The following ANKRD11 variants were observed in gnomAD, a reference collection of about 807,000 sequenced individuals.
The protein encoded by ANKRD11 is ankyrin repeat domain 11.
Under a neutral mutation model 195.7 loss-of-function variants are expected in ANKRD11, and 17 were observed. The observed-to-expected ratio is 0.09, with a 90% confidence interval of 0.06 to 0.13. ANKRD11 has a LOEUF of 0.13. ANKRD11 is among the 10% of genes least tolerant of loss of function. The pLI, the probability that ANKRD11 is intolerant of heterozygous loss-of-function variation, is 1.00. For synonymous variants in ANKRD11, 1,953 were observed against 1,528.1 expected, an observed-to-expected ratio of 1.28 and a Z score of -6.49; for missense variants, 3,735 against 3,566.1, an observed-to-expected ratio of 1.05 and a Z score of -1.21.
chr16:89,467,766 A>G (rs977443069), intron 1 of ANKRD11, among the ~76,000 whole-genome samples: 9 of 152,152 alleles, frequency 5.9e-5, no homozygotes, highest in African/African-American at 1.7e-4. Context: ...TAAAAATCAG[A>G]TAAGACGACT....
At chr16:89,447,609 T>C (rs2965945) in intron 1 of ANKRD11, among the ~76,000 whole-genome samples, 79,679 of 151,782 alleles carry the variant, frequency 0.52, 21,094 homozygotes, top group Middle Eastern at 0.67. Context: ...ACCCTAAGTG[T>C]CCACATTCCA....
At chr16:89,430,455 C>A (rs2042928542) in intron 1 of ANKRD11, among the ~76,000 whole-genome samples, 1 of 150,572 alleles carries the variant, frequency 6.6e-6, no homozygotes, top group African/African-American at 2.5e-5. Flanking sequence ...CACGCTCAGT[C>A]GTTCTAGTAC....
In ANKRD11 at chr16:89,282,364, T is replaced by C. The variant is rs199909893; in HGVS notation, c.4178A>G (p.Glu1393Gly). ...AGCATCCGCCTCCAGGAAGTCCTTTTCGTACTGGCCGGAGTCCTTCCTGCT... is the reference window on the plus strand; with the variant it reads ...AGCATCCGCCTCCAGGAAGTCCTTTCCGTACTGGCCGGAGTCCTTCCTGCT... ...GGSRKDSGQY[E>G]KDFLEADAYG... The change falls in exon 9 of 13, where the codon GAA (glutamate) becomes GGA (glycine). Residue 1393 changes from glutamate to glycine, a missense_variant. By Grantham distance (98) the Glu-to-Gly change is moderately conservative (BLOSUM62 -2). Transcript: ENST00000301030. 5 of 1,614,228 alleles carry C rather than the reference T, an allele frequency of 3.1e-6. No individual in the cohort carries two copies. The highest frequency in any genetic ancestry group is 4.2e-6 in the Non-Finnish European group (5 of 1,180,042).
At chr16:89,366,059 G>A (rs924981135) in intron 2 of ANKRD11, among the ~76,000 whole-genome samples, 52 of 151,062 alleles carry the variant, frequency 3.4e-4, no homozygotes, top group African/African-American at 1.3e-3. Context: ...GAACCTGGAA[G>A]GTGGAGGTTG....
chr16:89,324,498 G>A (rs2037576561), intron 2 of ANKRD11: 1 of 456,300 alleles, frequency 2.2e-6, no homozygotes, highest in African/African-American at 2.0e-5. Context: ...CTGTTCCTGG[G>A]AGCATCTTGA....
At chr16:89,424,130 C>T (rs1567785154) in intron 1 of ANKRD11, among the ~76,000 whole-genome samples, 2 of 152,242 alleles carry the variant, frequency 1.3e-5, no homozygotes, top group East Asian at 1.9e-4. Flanking sequence ...TACCAGGCAC[C>T]TGATCTTGCA....
Position 89,281,132 on chromosome 16 carries a change from T to C in ANKRD11, c.5410A>G (p.Ser1804Gly), listed in dbSNP as rs781188924. Residue 1804 changes from serine (S) to glycine (G), a missense_variant, in exon 9 of 13, where the codon AGC (serine) becomes GGC (glycine). Ser to Gly is a moderately conservative substitution (Grantham distance 56). Coordinates refer to ENST00000301030, the MANE Select transcript of ANKRD11 (RefSeq NM_013275.6). The surrounding 1 kb of genome is among the most constrained non-coding windows in gnomAD (Gnocchi z 5.5). ...TGCCTGAAGAGCTTGTCTCCGACGCTGAATTCTTCCTCGGGGGTCCTCCTA... is the reference window on the plus strand; with the variant it reads ...TGCCTGAAGAGCTTGTCTCCGACGCCGAATTCTTCCTCGGGGGTCCTCCTA... ...DIRRTPEEEF[S>G]VGDKLFRQQS... 1 of 1,613,172 alleles carries C rather than the reference T, an allele frequency of 6.2e-7. No homozygotes were observed. Among genetic ancestry groups the C allele is most frequent in the South Asian group, 1.1e-5 (1 of 91,074 alleles).
chr16:89,271,152 C>T (rs1316197836), intron 11 of ANKRD11: 3 of 558,138 alleles, frequency 5.4e-6, no homozygotes, highest in African/African-American at 3.8e-5. Context: ...GCACCGGGTG[C>T]CCGCAGGCCC....
At chr16:89,465,559 A>G (rs1303728708) in intron 1 of ANKRD11, among the ~76,000 whole-genome samples, 1 of 152,134 alleles carries the variant, frequency 6.6e-6, no homozygotes, top group Non-Finnish European at 1.5e-5. Flanking sequence ...GCAGGTGGGA[A>G]CACTTGCTCC....
chr16:89,312,699 C>T (rs2036676663), intron 3 of ANKRD11, among the ~76,000 whole-genome samples: 1 of 152,230 alleles, frequency 6.6e-6, no homozygotes, highest in African/African-American at 2.4e-5. Context: ...TGTGCTCTCG[C>T]CATCAGACAC....
At chr16:89,336,572 G>C (rs1329697617) in intron 2 of ANKRD11, among the ~76,000 whole-genome samples, 1 of 152,150 alleles carries the variant, frequency 6.6e-6, no homozygotes, top group African/African-American at 2.4e-5. Context: ...GCACTGGTGG[G>C]AACCCAGCAC....
intron 2 of ANKRD11, among the ~76,000 whole-genome samples, chr16:89,352,357 C>T (rs1425018060): frequency 1.3e-5 from 2 of 151,480 alleles, no homozygotes; most frequent in East Asian, 3.9e-4. Flanking sequence ...GTCTAGGCAC[C>T]GCAATGTCTC....
At chr16:89,446,515 G>C (rs933899619) in intron 1 of ANKRD11, among the ~76,000 whole-genome samples, 2 of 152,066 alleles carry the variant, frequency 1.3e-5, no homozygotes, top group Non-Finnish European at 2.9e-5. Flanking sequence ...AAGAAGGAAA[G>C]GTCACTTAAG....
At chr16:89,292,424 G>C (rs555561037) in intron 4 of ANKRD11, among the ~76,000 whole-genome samples, 117 of 152,288 alleles carry the variant, frequency 7.7e-4, no homozygotes, top group African/African-American at 2.3e-3. Flanking sequence ...CACCACCATG[G>C]TCCCCGTGAA....
intron 2 of ANKRD11, among the ~76,000 whole-genome samples, chr16:89,372,595 A>G (rs1404832852): frequency 2.0e-5 from 3 of 152,228 alleles, no homozygotes; most frequent in Non-Finnish European, 4.4e-5. Flanking sequence ...TAAGATATTA[A>G]TACTAAAAAT....
intron 3 of ANKRD11, among the ~76,000 whole-genome samples, chr16:89,305,574 C>T (rs540739086): frequency 2.6e-5 from 4 of 152,206 alleles, no homozygotes; most frequent in South Asian, 2.1e-4. Context: ...TCTCATCCTG[C>T]GCACCGGAGG....
chr16:89,485,124 C>T (rs544783061), intron 1 of ANKRD11, among the ~76,000 whole-genome samples: 9 of 152,232 alleles, frequency 5.9e-5, no homozygotes, highest in South Asian at 2.1e-4. Context: ...ACAGACAGGA[C>T]GGCTTACTTT....
intron 2 of ANKRD11, among the ~76,000 whole-genome samples, chr16:89,348,821 C>T (rs549337319): frequency 6.6e-6 from 1 of 150,612 alleles, no homozygotes; most frequent in Non-Finnish European, 1.5e-5. Context: ...AAATTTGTTG[C>T]TTCTTTTTCT....
intron 2 of ANKRD11, chr16:89,360,662 C>T (rs536313456): frequency 3.3e-5 from 5 of 152,180 alleles, no homozygotes; most frequent in Admixed American, 6.5e-5. Context: ...GAACCTAGAA[C>T]GTCGATGGTC....
Sources: gnomAD v4.1 joint callset for allele counts (sites outside exome capture counted in the v4.1 genomes callset) on GRCh38, gnomAD v4.1.1 for gene constraint, Gnocchi (gnomAD v3.1) non-coding constraint, MANE v1.5 for transcripts, NCBI Gene and HGNC (gene_info 2026-07-23, HGNC 2026-07-21) for gene names.